Variants in EXOC2 observed in about 807,000 individuals in gnomAD.
The protein encoded by EXOC2 is exocyst complex component 2.
Under a neutral mutation model 131.8 loss-of-function variants are expected in EXOC2, and 70 were observed. The observed-to-expected ratio is 0.53, with a 90% CI of 0.44 to 0.65. EXOC2 has a LOEUF of 0.65. Among genes scored for constraint, EXOC2 ranks in the 30% least tolerant of loss-of-function variants. The pLI is 0.00. For synonymous variants in EXOC2, 411 were observed against 398.4 expected (o/e 1.03, Z -0.38); for missense variants, 923 against 1,108.6 (o/e 0.83, Z 2.38).
intron 23 of EXOC2, chr6:525,548 C>T (rs182717355): frequency 2.6e-5 from 4 of 152,182 alleles, no homozygotes; most frequent in Non-Finnish European, 5.9e-5. Context: ...AAGTGTGTGT[C>T]CAAGAAGAAA....
intron 23 of EXOC2, among the ~76,000 whole-genome samples, chr6:504,497 T>C (rs1764416452): frequency 6.6e-6 from 1 of 152,262 alleles, no homozygotes; most frequent in Non-Finnish European, 1.5e-5. Context: ...CAATTATTTT[T>C]GGTGGCATAT....
chr6:517,874 T>C (rs573090119), intron 23 of EXOC2, among the ~76,000 whole-genome samples: 7 of 152,224 alleles, frequency 4.6e-5, no homozygotes, highest in South Asian at 2.1e-4. Context: ...CTGAAAAATA[T>C]AGAATATGAG....
At position 664,108 on chromosome 6, in the gene EXOC2, C is replaced by T. The variant is rs149279552; in HGVS notation, c.-43-26247G>A. On this transcript the variant is annotated intron_variant, in intron 1 of 27. Coordinates refer to ENST00000230449, the MANE Select transcript of EXOC2 (RefSeq NM_018303.6). Reference sequence around the variant, plus strand: ...AGTTTCCAGATACAAGATTAATGTACACAAATCAGTAGCTCTTCTCTATAG... The same window carrying T: ...AGTTTCCAGATACAAGATTAATGTATACAAATCAGTAGCTCTTCTCTATAG... Among the ~76,000 whole-genome samples the T allele has an allele frequency of 1.0e-3, 156 of 152,288 alleles. 1 individual carries two copies. The highest frequency in any genetic ancestry group is 1.7e-3 in the Non-Finnish European group (119 of 68,016).
chr6:496,127 A>C (rs1763721907), intron 25 of EXOC2, among the ~76,000 whole-genome samples: 1 of 152,068 alleles, frequency 6.6e-6, no homozygotes, highest in Admixed American at 6.5e-5. Context: ...CCTTTACATC[A>C]TCTGATGCCG....
Position 487,475 on chromosome 6 carries a change from C to T in EXOC2, c.2682-711G>A, listed in dbSNP as rs184902605. Among the ~76,000 whole-genome samples, 103 of 152,166 alleles carry T rather than the reference C, an allele frequency of 6.8e-4. 1 individual carries two copies. The East Asian group carries it at 0.013, about 20-fold the overall frequency. ...AGGCTGGAGTGCAGTGGCGCGATTTCGGCTCACTGCAACCTCCACCTCCCG... is the reference window on the plus strand; with the variant it reads ...AGGCTGGAGTGCAGTGGCGCGATTTTGGCTCACTGCAACCTCCACCTCCCG... On this transcript the variant is annotated intron_variant, in intron 27 of 27. Coordinates refer to ENST00000230449, the MANE Select transcript of EXOC2 (RefSeq NM_018303.6).
At chr6:577,420 T>A (rs1758644510) in intron 11 of EXOC2, among the ~76,000 whole-genome samples, 1 of 152,224 alleles carries the variant, frequency 6.6e-6, no homozygotes, top group African/African-American at 2.4e-5. Context: ...ATTGTCTTTA[T>A]TGTCTCACAC....
At chr6:588,993 T>C (rs1375375617) in intron 11 of EXOC2, among the ~76,000 whole-genome samples, 1 of 152,236 alleles carries the variant, frequency 6.6e-6, no homozygotes, top group Non-Finnish European at 1.5e-5. Flanking sequence ...TGAAATTTTC[T>C]GGAATTTTTC....
intron 22 of EXOC2, among the ~76,000 whole-genome samples, chr6:537,483 AGAT>A (rs1392705036): frequency 6.6e-6 from 1 of 152,066 alleles, no homozygotes; most frequent in African/African-American, 2.4e-5. Flanking sequence ...CGTACACTCA[AGAT>A]GATGACCGAC....
At chr6:505,267 A>G (rs576608060) in intron 23 of EXOC2, among the ~76,000 whole-genome samples, 135 of 152,362 alleles carry the variant, frequency 8.9e-4, no homozygotes, top group African/African-American at 3.0e-3. Flanking sequence ...ATTTCCGTTC[A>G]ACTCTCACCA....
intron 1 of EXOC2, among the ~76,000 whole-genome samples, chr6:672,090 G>A (rs549484202): frequency 6.6e-6 from 1 of 151,814 alleles, no homozygotes; most frequent in South Asian, 2.1e-4. Flanking sequence ...TTGTGTAACT[G>A]TCCCACAATT....
chr6:635,310 A>G (rs1762048170), intron 2 of EXOC2, among the ~76,000 whole-genome samples: 1 of 152,242 alleles, frequency 6.6e-6, no homozygotes, highest in Admixed American at 6.5e-5. Flanking sequence ...AATGATATGC[A>G]TGGAGGTCCC....
chr6:633,219 C>CA (rs1761940474), intron 2 of EXOC2, 102 bp from the exon 3 acceptor site: 3 of 1,263,126 alleles, frequency 2.4e-6, no homozygotes, highest in Non-Finnish European at 3.3e-6. Flanking sequence ...TCAATAATGA[C>CA]ATTATTGAAT....
At position 583,322 on chromosome 6, in the gene EXOC2, G is replaced by A. The variant is rs559513151; in HGVS notation, c.1193-6440C>T. ...CAAGTTTAGACATGAAATGACTTCC[G>A]GCTGCCAGAAGTCTTCTTCCAGATG... On this transcript the variant is annotated intron_variant, in intron 11 of 27. Coordinates refer to ENST00000230449, the MANE Select transcript of EXOC2 (RefSeq NM_018303.6). Among the ~76,000 whole-genome samples the A allele has an allele frequency of 1.5e-3, 233 of 152,126 alleles. 3 individuals are homozygous for A. The highest frequency in any genetic ancestry group is 5.3e-3 in the African/African-American group (218 of 41,486).
At position 485,586 on chromosome 6, in the gene EXOC2, C is replaced by CT. The variant is rs1561761091; in HGVS notation, c.*1084_*1085insA. ...GACGGTATGAGGGAGTTGGGTGGGC[C>CT]GCTGACTCTGAGAGAAGTCCCGGTG... On this transcript the variant is annotated 3_prime_UTR_variant, in exon 28 of 28. Transcript: ENST00000230449. The CT allele has an allele frequency of 1.3e-4, 20 of 152,034 alleles. No homozygotes were observed. Among genetic ancestry groups the CT allele is most frequent in the Non-Finnish European group, 2.5e-4 (17 of 68,018 alleles). The allele number at this position is 152,034 out of a possible 1,614,324, so 9.4% of individuals were successfully genotyped here.
At position 491,205 on chromosome 6, in the gene EXOC2, C is replaced by CA; in HGVS notation, c.2560-20dup. ...GTCTCGCCTGAAAATGAGAAAAAGA[C>CA]AAAGTGACAACAGGAAAATTTATAT... is the stretch of plus-strand genomic sequence containing the variant. On this transcript the variant is annotated intron_variant, in intron 25 of 27. Transcript: ENST00000230449. 6.2e-7 allele frequency: 1 copy of CA among 1,613,600 alleles called. No homozygotes were observed. The highest frequency in any genetic ancestry group is 1.1e-5 in the South Asian group (1 of 91,028).
At chr6:623,032 G>A (rs766357221) in intron 4 of EXOC2, among the ~76,000 whole-genome samples, 32 of 152,210 alleles carry the variant, frequency 2.1e-4, no homozygotes, top group Non-Finnish European at 4.0e-4. Context: ...CTCATCCTCA[G>A]AAGGAGCAGG....
At chr6:692,087 A>C (rs1764953839) in intron 1 of EXOC2, among the ~76,000 whole-genome samples, 1 of 152,254 alleles carries the variant, frequency 6.6e-6, no homozygotes, top group South Asian at 2.1e-4. Flanking sequence ...GATCCACATA[A>C]GCTCAGAAGT....
chr6:576,617 G>GT (rs1214770559), intron 12 of EXOC2, 140 bp downstream of exon 12: 1 of 890,068 alleles, frequency 1.1e-6, no homozygotes, highest in Non-Finnish European at 1.6e-6. Flanking sequence ...GGTAGTTACT[G>GT]TAACAAGCAA....
At chr6:648,571 CT>C (rs2127733758) in intron 1 of EXOC2, among the ~76,000 whole-genome samples, 1 of 152,284 alleles carries the variant, frequency 6.6e-6, no homozygotes, top group East Asian at 1.9e-4. Context: ...AAAAGTCTGA[CT>C]TTGCCTGTCA....
Sources: allele counts gnomAD v4.1 joint callset (sites outside exome capture counted in the v4.1 genomes callset), GRCh38; gene constraint gnomAD v4.1.1; transcripts MANE v1.5; gene names NCBI Gene and HGNC (gene_info 2026-07-23, HGNC 2026-07-21).